ASIC4: variants seen among roughly 807,000 people sequenced by gnomAD.
The protein encoded by ASIC4 is acid-sensing ion channel 4.
Under a neutral mutation model 53.4 loss-of-function variants are expected in ASIC4, and 28 were observed. That is an observed-to-expected ratio of 0.52 (90% CI 0.39 to 0.72). The LOEUF is 0.72. ASIC4 is among the 30% of genes least tolerant of loss of function. The pLI is 0.00. For synonymous variants in ASIC4, 289 were observed against 301.4 expected (o/e 0.96, Z 0.43); for missense variants, 649 against 729.7 (o/e 0.89, Z 1.27).
In ASIC4 at chr2:219,536,705, C is replaced by T. The variant is rs940081590; in HGVS notation, c.1230-361C>T. Among the ~76,000 whole-genome samples, 1 of 151,712 alleles carries T rather than the reference C, an allele frequency of 6.6e-6. No homozygotes were observed. The highest frequency in any genetic ancestry group is 6.6e-5 in the Admixed American group (1 of 15,246). On this transcript the variant is annotated intron_variant, in intron 6 of 9. Coordinates refer to ENST00000358078, the MANE Select transcript of ASIC4 (RefSeq NM_018674.6). This position sits in a 1 kb window ranked among gnomAD's most constrained non-coding sequence, Gnocchi z 4.6. ...GTGCCGGGGACAGGCCACCGGCTGC[C>T]CAGGACACCGAGAAGGGGCATTGTG...
At chr2:219,528,696 C>T (rs1043815675) in intron 1 of ASIC4, among the ~76,000 whole-genome samples, 4 of 152,138 alleles carry the variant, frequency 2.6e-5, no homozygotes, top group African/African-American at 9.7e-5. Context: ...CCCACCATGA[C>T]ACCCAGCTAA....
At chr2:219,533,186 T>G in intron 5 of ASIC4, 1 of 571,556 alleles carries the variant, frequency 1.7e-6, no homozygotes, top group South Asian at 2.1e-5. Flanking sequence ...GGAGTGAAGG[T>G]CTGGGCTTCT....
chr2:219,515,343 G>C, intron 1 of ASIC4, 37 bp downstream of exon 1: 3 of 1,580,394 alleles, frequency 1.9e-6, no homozygotes, highest in Non-Finnish European at 2.6e-6. Context: ...GCCTTGGATG[G>C]CCGGAGGCTG....
upstream of ASIC4, among the ~76,000 whole-genome samples, chr2:219,511,454 C>T (rs532525173): frequency 5.9e-3 from 903 of 151,864 alleles, 3 homozygotes; most frequent in African/African-American, 7.1e-3. The surrounding 1 kb of genome is among the most constrained non-coding windows in gnomAD (Gnocchi z 5.3). Flanking sequence ...CACTCATTCT[C>T]ACTGTCAGGA....
chr2:219,535,304 C>CCT lies in ASIC4; in HGVS notation c.1210_1211insTC (p.Arg404LeufsTer14). The CCT allele has an allele frequency of 1.2e-6, 2 of 1,612,006 alleles. No individual in the cohort carries two copies. The highest frequency in any genetic ancestry group is 1.7e-6 in the Non-Finnish European group (2 of 1,179,454). ...CCCGGTACCTGGCGAGGAAGTACAA[C>CCT]CGCAACGAGACCTACATACGGTATG... On this transcript the variant is annotated frameshift_variant, in exon 6 of 10. Transcript: ENST00000358078. LOFTEE classifies it high-confidence loss of function.
chr2:219,530,894 G>T (rs1028137089), intron 1 of ASIC4, among the ~76,000 whole-genome samples: 2 of 152,242 alleles, frequency 1.3e-5, no homozygotes, highest in Admixed American at 6.5e-5. Context: ...GGGTAAGTCA[G>T]TTAGTGGTTT....
Position 219,517,946 on chromosome 2 carries a change from T to C in ASIC4, c.582+2640T>C, listed in dbSNP as rs1408937699. ...ACCTTTCCTCTGGAATCCAAGTTAA[T>C]AAATGTCACATTTTCCAGCCTATTT... On this transcript the variant is annotated intron_variant, in intron 1 of 9. Coordinates refer to ENST00000358078, the MANE Select transcript of ASIC4 (RefSeq NM_018674.6). The surrounding 1 kb of genome is among the most constrained non-coding windows in gnomAD (Gnocchi z 4.2). 6.6e-6 allele frequency among the ~76,000 whole-genome samples: 1 copy of C among 152,156 alleles called. No homozygotes were observed. The highest frequency in any genetic ancestry group is 2.4e-5 in the African/African-American group (1 of 41,418).
intron 1 of ASIC4, among the ~76,000 whole-genome samples, chr2:219,524,113 G>A (rs1421329717): frequency 6.6e-6 from 1 of 152,180 alleles, no homozygotes; most frequent in African/African-American, 2.4e-5. Flanking sequence ...GTGAGCCACC[G>A]TGCCTAGCCC....
At position 219,518,623 on chromosome 2, in the gene ASIC4, CCT is replaced by C. The variant is rs1694835486; in HGVS notation, c.582+3318_582+3319del. On this transcript the variant is annotated intron_variant, in intron 1 of 9. Coordinates refer to ENST00000358078, the MANE Select transcript of ASIC4 (RefSeq NM_018674.6). The surrounding 1 kb of genome is among the most constrained non-coding windows in gnomAD (Gnocchi z 4.8). ...CCTTGTAGACAGCTCTCCCTTCCTCCCTGATTCCTGCCGCCATCTGCTACCCA... is the reference window on the plus strand; with the variant it reads ...CCTTGTAGACAGCTCTCCCTTCCTCCGATTCCTGCCGCCATCTGCTACCCA... Among the ~76,000 whole-genome samples the C allele has an allele frequency of 6.6e-6, 1 of 152,040 alleles. No homozygotes were observed. The highest frequency in any genetic ancestry group is 2.1e-4 in the South Asian group (1 of 4,822).
At chr2:219,514,404 A>ACTCG (rs752410085), upstream of ASIC4, 784 of 1,547,032 alleles carry the variant, frequency 5.1e-4, no homozygotes, top group Non-Finnish European at 6.5e-4. Context: ...TCCCTCGCTC[A>ACTCG]CTCGCTCGCT....
chr2:219,512,837 C>T (rs538747884), upstream of ASIC4, among the ~76,000 whole-genome samples: 112 of 152,342 alleles, frequency 7.4e-4, no homozygotes, highest in African/African-American at 2.5e-3. Flanking sequence ...AGCCACTTTG[C>T]CTAAAGGCTA....
intron 1 of ASIC4, among the ~76,000 whole-genome samples, chr2:219,530,299 G>A (rs1695021788): frequency 6.6e-6 from 1 of 152,256 alleles, no homozygotes; most frequent in Non-Finnish European, 1.5e-5. Flanking sequence ...CCTGGTGGCA[G>A]CTAAATCCCC....
chr2:219,508,351 TC>T, the ASIC4 span, among the ~76,000 whole-genome samples: 1 of 152,040 alleles, frequency 6.6e-6, no homozygotes, highest in African/African-American at 2.4e-5. Context: ...CACCGTGAAA[TC>T]CAATAAGTCT....
intron 5 of ASIC4, 145 bp downstream of exon 5, chr2:219,533,084 G>T: frequency 1.1e-6 from 1 of 911,142 alleles, no homozygotes; most frequent in East Asian, 2.5e-5. Flanking sequence ...ATACTTCAGT[G>T]GGGTTGGGGA....
Position 219,537,209 on chromosome 2 carries a change from C to A in ASIC4, c.1322-33C>A, listed in dbSNP as rs199546965. ...TTGTGTGGGGGTGGATCGGCCCGGCCGCTCCCTCTGACACTGCTCTCCTGC... is the reference window on the plus strand; with the variant it reads ...TTGTGTGGGGGTGGATCGGCCCGGCAGCTCCCTCTGACACTGCTCTCCTGC... On this transcript the variant is annotated intron_variant, in intron 7 of 9. Coordinates refer to ENST00000358078, the MANE Select transcript of ASIC4 (RefSeq NM_018674.6). This position sits in a 1 kb window ranked among gnomAD's most constrained non-coding sequence, Gnocchi z 4.9. 2.5e-6 allele frequency: 4 copies of A among 1,611,664 alleles called. No individual in the cohort carries two copies. The highest frequency in any genetic ancestry group is 4.5e-5 in the East Asian group (2 of 44,804).
At position 219,537,515 on chromosome 2, in the gene ASIC4, C is replaced by T. The variant is rs373844196; in HGVS notation, c.1402-117C>T. 1.7e-5 allele frequency: 18 copies of T among 1,054,628 alleles called. No homozygotes were observed. In the South Asian group the frequency reaches 2.3e-4, roughly 13 times the overall value. The allele number at this position is 1,054,628 out of a possible 1,614,324, so 65.3% of individuals were successfully genotyped here. ...GGATGGGTGAGGAGGAGGAGGGTGTCCTACTGGGAGTTTGCTGTGGCAGTA... is the reference window on the plus strand; with the variant it reads ...GGATGGGTGAGGAGGAGGAGGGTGTTCTACTGGGAGTTTGCTGTGGCAGTA... On this transcript the variant is annotated intron_variant, in intron 8 of 9. Transcript: ENST00000358078. This position sits in a 1 kb window ranked among gnomAD's most constrained non-coding sequence, Gnocchi z 4.9.
In ASIC4 at chr2:219,516,239, G is replaced by A. The variant is rs1404999346; in HGVS notation, c.582+933G>A. ...AGCTCTCGCTTAGCTGCCAAGGACAGGGTCCCACTGTGGATGCCATCCCTT... is the reference window on the plus strand; with the variant it reads ...AGCTCTCGCTTAGCTGCCAAGGACAAGGTCCCACTGTGGATGCCATCCCTT... On this transcript the variant is annotated intron_variant, in intron 1 of 9. Transcript: ENST00000358078. This position sits in a 1 kb window ranked among gnomAD's most constrained non-coding sequence, Gnocchi z 4.9. Among the ~76,000 whole-genome samples, 2 of 152,166 alleles carry A rather than the reference G, an allele frequency of 1.3e-5. No homozygotes were observed. The highest frequency in any genetic ancestry group is 2.9e-5 in the Non-Finnish European group (2 of 68,028).
upstream of ASIC4, among the ~76,000 whole-genome samples, chr2:219,512,094 C>G (rs999258289): frequency 4.6e-5 from 7 of 151,842 alleles, no homozygotes; most frequent in Non-Finnish European, 8.8e-5. Flanking sequence ...CAATTGGAGA[C>G]AGCTGGCTGT....
At chr2:219,508,804 A>G in the ASIC4 span, among the ~76,000 whole-genome samples, 2 of 28,912 alleles carry the variant, frequency 6.9e-5, no homozygotes, top group Non-Finnish European at 1.4e-4. Flanking sequence ...TGGGGTGGGA[A>G]GTGGGGGATG....
Sources: allele counts gnomAD v4.1 joint callset (sites outside exome capture counted in the v4.1 genomes callset), GRCh38; gene constraint gnomAD v4.1.1; non-coding constraint Gnocchi (gnomAD v3.1); transcripts MANE v1.5; gene names NCBI Gene and HGNC (gene_info 2026-07-23, HGNC 2026-07-21).